The following SP6 variants were observed in gnomAD, a reference collection of about 807,000 sequenced individuals.
SP6 encodes the protein transcription factor Sp6.
Under a neutral mutation model 23.4 loss-of-function variants are expected in SP6, and 10 were observed. The observed-to-expected ratio is 0.43, with a 90% confidence interval of 0.26 to 0.72. The LOEUF (loss-of-function observed/expected upper bound fraction) is 0.72, where lower values mean the gene tolerates loss of function less well. SP6 is among the 30% of genes least tolerant of loss of function. The probability of loss-of-function intolerance (pLI) is 0.23; values close to 1 mark genes in which losing one functional copy is unlikely to be tolerated. For missense variants in SP6, 482 were observed against 523.8 expected, an observed-to-expected ratio of 0.92 and a Z score of 0.78; for synonymous variants, 238 against 238.7, an observed-to-expected ratio of 1.00 and a Z score of 0.03.
Position 47,851,069 on chromosome 17 carries a change from G to C in SP6, c.-208C>G, listed in dbSNP as rs1231368111. 6.5e-6 allele frequency: 1 copy of C among 153,088 alleles called. No homozygotes were observed. Among genetic ancestry groups the C allele is most frequent in the Non-Finnish European group, 1.5e-5 (1 of 68,782 alleles). The allele number at this position is 153,088 out of a possible 1,614,324, so 9.5% of individuals were successfully genotyped here. A position where few individuals can be genotyped will look rare whatever the true frequency, so the allele number is the denominator to read the frequency against. On this transcript the variant is annotated 5_prime_UTR_variant, in exon 1 of 2. Coordinates refer to ENST00000536300, the MANE Select transcript of SP6 (RefSeq NM_001258248.2). ...GGCTGGCGGCAGGCGGCAGGCGGCGGAGGTGAGCGCTGGCGAGAGGGCGGA... is the reference window on the plus strand; with the variant it reads ...GGCTGGCGGCAGGCGGCAGGCGGCGCAGGTGAGCGCTGGCGAGAGGGCGGA...
chr17:47,854,760 G>C (rs1298665090), upstream of SP6, among the ~76,000 whole-genome samples: 4 of 152,174 alleles, frequency 2.6e-5, no homozygotes, highest in African/African-American at 9.7e-5. Flanking sequence ...TCGTTTTACT[G>C]GTAGGGAAAC....
chr17:47,855,004 G>A (rs1258432776), upstream of SP6, among the ~76,000 whole-genome samples: 1 of 152,148 alleles, frequency 6.6e-6, no homozygotes, highest in Non-Finnish European at 1.5e-5. Context: ...AGAGCCTAAA[G>A]CTGGGGTCAA....
At chr17:47,859,013 G>T (rs1344835467), upstream of SP6, among the ~76,000 whole-genome samples, 1 of 152,010 alleles carries the variant, frequency 6.6e-6, no homozygotes, top group Non-Finnish European at 1.5e-5. Context: ...GGCCTCAGGT[G>T]ATCCACCTGC....
chr17:47,867,967 A>T, the SP6 span, among the ~76,000 whole-genome samples: 1 of 152,108 alleles, frequency 6.6e-6, no homozygotes, highest in Non-Finnish European at 1.5e-5. Context: ...ACAGAGCATG[A>T]CATGCAGCCA....
chr17:47,861,741 GA>G, the SP6 span, among the ~76,000 whole-genome samples: 3 of 147,646 alleles, frequency 2.0e-5, no homozygotes, highest in Admixed American at 1.3e-4. Context: ...ACTCCGTCTG[GA>G]AAAAAAAACA....
In SP6 at chr17:47,848,412, G is replaced by A. The variant is rs757114113; in HGVS notation, c.18C>T (p.Cys6=). The change falls in exon 2 of 2, where the codon TGC becomes TGT. Residue 6 remains cysteine (C), a synonymous_variant. Coordinates refer to ENST00000536300, the MANE Select transcript of SP6 (RefSeq NM_001258248.2). The surrounding 1 kb of genome is among the most constrained non-coding windows in gnomAD (Gnocchi z 5.3). ...CCGTGTGCTGGCTGCCCAGAGAGCCGCAGACAGCGGTTAGCATTGCCGGGA... is the reference window on the plus strand; with the variant it reads ...CCGTGTGCTGGCTGCCCAGAGAGCCACAGACAGCGGTTAGCATTGCCGGGA... MLTAV[C]GSLGSQHTEA... is the part of the protein sequence containing the mutation. 2 of 1,523,302 alleles carry A rather than the reference G, an allele frequency of 1.3e-6. No individual in the cohort carries two copies. Among genetic ancestry groups the A allele is most frequent in the African/African-American group, 2.8e-5 (2 of 72,596 alleles). The allele number at this position is 1,523,302 out of a possible 1,614,324, so 94.4% of individuals were successfully genotyped here. A position where few individuals can be genotyped will look rare whatever the true frequency, so the allele number is the denominator to read the frequency against.
chr17:47,852,301 G>A (rs1428440495), upstream of SP6, among the ~76,000 whole-genome samples: 1 of 152,076 alleles, frequency 6.6e-6, no homozygotes, highest in Non-Finnish European at 1.5e-5. Flanking sequence ...CGACATTTCC[G>A]AGACCCGCAA....
chr17:47,854,740 G>A (rs140475569), upstream of SP6, among the ~76,000 whole-genome samples: 227 of 152,244 alleles, frequency 1.5e-3, no homozygotes, highest in African/African-American at 4.1e-3. Context: ...AAATTGTCTC[G>A]TCCAAGCCCT....
the SP6 span, among the ~76,000 whole-genome samples, chr17:47,874,664 C>T: frequency 3.9e-5 from 6 of 152,146 alleles, no homozygotes; most frequent in East Asian, 9.6e-4. Context: ...TACGTTTGCC[C>T]TTGCTGATAT....
chr17:47,858,911 A>G (rs375822078), upstream of SP6, among the ~76,000 whole-genome samples: 2 of 151,080 alleles, frequency 1.3e-5, no homozygotes, highest in African/African-American at 4.9e-5. Flanking sequence ...AGTAACCGGG[A>G]TTACAGGCAC....
Position 47,847,484 on chromosome 17 carries a change from A to G in SP6, c.946T>C (p.Cys316Arg). ...QTHTGTKKFPCAVCSRVFMRS... is the reference protein window; with the variant it reads ...QTHTGTKKFPRAVCSRVFMRS... ...ATGAAGACGCGGCTGCAGACTGCAC[A>G]GGGGAACTTCTTGGTGCCGGTGTGG... The change falls in exon 2 of 2, where the codon TGT (cysteine) becomes CGT (arginine). Residue 316 changes from cysteine to arginine, a missense_variant. Transcript: ENST00000536300. 1 of 1,613,702 alleles carries G rather than the reference A, an allele frequency of 6.2e-7. No individual in the cohort carries two copies. Among genetic ancestry groups the G allele is most frequent in the Non-Finnish European group, 8.5e-7 (1 of 1,179,922 alleles).
chr17:47,861,351 A>G, the SP6 span, among the ~76,000 whole-genome samples: 1 of 152,202 alleles, frequency 6.6e-6, no homozygotes, highest in Non-Finnish European at 1.5e-5. Flanking sequence ...TAGTGGACAC[A>G]TTCACTTGGT....
Position 47,847,295 on chromosome 17 carries a change from G to A in SP6, c.*4C>T, listed in dbSNP as rs1302756991. 9 of 1,527,952 alleles carry A rather than the reference G, an allele frequency of 5.9e-6. No individual in the cohort carries two copies. Among genetic ancestry groups the A allele is most frequent in the Non-Finnish European group, 7.9e-6 (9 of 1,135,246 alleles). 94.6% of individuals were successfully genotyped at this position (1,527,952 alleles called of 1,614,324 possible). A position where few individuals can be genotyped will look rare whatever the true frequency, so the allele number is the denominator to read the frequency against. ...ATACCCGCAGGGAGGCGGCACTGAG[G>A]AGCTCAGTTGGAGGGAGCCACGCTG... is the stretch of plus-strand genomic sequence containing the variant. On this transcript the variant is annotated 3_prime_UTR_variant, in exon 2 of 2. Coordinates refer to ENST00000536300, the MANE Select transcript of SP6 (RefSeq NM_001258248.2).
upstream of SP6, among the ~76,000 whole-genome samples, chr17:47,856,113 ACCT>A (rs957588745): frequency 9.2e-5 from 14 of 152,128 alleles, no homozygotes; most frequent in African/African-American, 3.4e-4. Flanking sequence ...CATTTTTGAG[ACCT>A]GAAGGGCTCA....
the SP6 span, among the ~76,000 whole-genome samples, chr17:47,869,573 G>T: frequency 6.6e-6 from 1 of 152,158 alleles, no homozygotes; most frequent in Non-Finnish European, 1.5e-5. Context: ...AGCAAAGGAC[G>T]AATCTCACGG....
the SP6 span, among the ~76,000 whole-genome samples, chr17:47,861,221 C>T: frequency 3.3e-5 from 5 of 152,036 alleles, no homozygotes; most frequent in South Asian, 6.2e-4. Flanking sequence ...TGGTGTGGCC[C>T]GTAGGTTATT....
Position 47,847,125 on chromosome 17 carries a change from C to T in SP6, c.*174G>A, listed in dbSNP as rs955435774. On this transcript the variant is annotated 3_prime_UTR_variant, in exon 2 of 2. Coordinates refer to ENST00000536300, the MANE Select transcript of SP6 (RefSeq NM_001258248.2). ...AGTCAAATTCATCCTGCCTAGTAGC[C>T]CCAGAGACTAAGAACCCCTAGCGCC... The T allele has an allele frequency of 6.0e-6, 4 of 667,374 alleles. No individual in the cohort carries two copies. Among genetic ancestry groups the T allele is most frequent in the Non-Finnish European group, 1.0e-5 (4 of 401,712 alleles). 41.3% of individuals were successfully genotyped at this position (667,374 alleles called of 1,614,324 possible).
At chr17:47,850,063 G>A (rs2033938497) in intron 1 of SP6, among the ~76,000 whole-genome samples, 1 of 152,206 alleles carries the variant, frequency 6.6e-6, no homozygotes. Context: ...GGGTGAAGTT[G>A]CAGGAAAGGA....
chr17:47,868,674 T>C, the SP6 span, among the ~76,000 whole-genome samples: 140 of 152,096 alleles, frequency 9.2e-4, 1 homozygote, highest in Non-Finnish European at 1.9e-3. Flanking sequence ...AGCCCTCTGC[T>C]CTCACACACC....
Sources: allele counts gnomAD v4.1 joint callset (sites outside exome capture counted in the v4.1 genomes callset), GRCh38; gene constraint gnomAD v4.1.1; non-coding constraint Gnocchi (gnomAD v3.1); transcripts MANE v1.5; gene names NCBI Gene and HGNC (gene_info 2026-07-23, HGNC 2026-07-21).